SUPT16H: variants seen among roughly 807,000 people sequenced by gnomAD.
The protein encoded by SUPT16H is SPT16 homolog, facilitates chromatin remodeling subunit.
Under a neutral mutation model 136.2 loss-of-function variants are expected in SUPT16H, and 24 were observed. That is an observed-to-expected ratio of 0.18 (90% CI 0.13 to 0.25). SUPT16H has a LOEUF of 0.25. Among genes scored for constraint, SUPT16H ranks in the 10% least tolerant of loss-of-function variants. The probability of loss-of-function intolerance (pLI) is 1.00; values close to 1 mark genes in which losing one functional copy is unlikely to be tolerated. For synonymous variants in SUPT16H, 415 were observed against 428.2 expected, an observed-to-expected ratio of 0.97 and a Z score of 0.38; for missense variants, 623 against 1,270.2, an observed-to-expected ratio of 0.49 and a Z score of 7.74.
chr14:21,378,490 T>C (rs985277547), intron 1 of SUPT16H, among the ~76,000 whole-genome samples: 1 of 152,186 alleles, frequency 6.6e-6, no homozygotes, highest in Non-Finnish European at 1.5e-5. Flanking sequence ...AGGATGGATG[T>C]GTGATAAAGC....
chr14:21,383,603 C>G (rs1887093130), intron 1 of SUPT16H: 1 of 701,822 alleles, frequency 1.4e-6, no homozygotes, highest in Non-Finnish European at 2.6e-6. Context: ...GAAGAGACTG[C>G]GAGAGGTGCT....
At chr14:21,381,288 T>G (rs1305921446) in intron 1 of SUPT16H, among the ~76,000 whole-genome samples, 2 of 152,140 alleles carry the variant, frequency 1.3e-5, no homozygotes, top group Non-Finnish European at 2.9e-5. Flanking sequence ...AAATTATAAT[T>G]AAAAAATATT....
Position 21,363,314 on chromosome 14 carries a change from T to G in SUPT16H, c.1314A>C (p.Glu438Asp), listed in dbSNP as rs749082552. 6.2e-7 allele frequency: 1 copy of G among 1,609,126 alleles called. No individual in the cohort carries two copies. The highest frequency in any genetic ancestry group is 1.1e-5 in the South Asian group (1 of 90,590). Residue 438 changes from glutamate to aspartate, a missense_variant, in exon 12 of 26, where the codon GAA becomes GAC. Glu to Asp is a conservative substitution (Grantham distance 45). Transcript: ENST00000216297. The stretch of plus-strand genomic sequence containing the variant: ...CCTCATCTTTCTCCTCCTCCTCTTC[T>G]TCCTCATCTTCATTCTATGGAAAAA... The part of the protein sequence containing the change: ...VGIFLKNEDE[E>D]EEEEEKDEAE...
At chr14:21,365,517 G>A (rs1437426212) in intron 8 of SUPT16H, among the ~76,000 whole-genome samples, 2 of 152,134 alleles carry the variant, frequency 1.3e-5, no homozygotes, top group African/African-American at 4.8e-5. Context: ...GCAATTTTTA[G>A]TGGAACACTG....
chr14:21,358,119 T>C, intron 20 of SUPT16H, 117 bp from the exon 21 acceptor site: 1 of 961,942 alleles, frequency 1.0e-6, no homozygotes, highest in South Asian at 1.5e-5. Flanking sequence ...CACTGGAGAC[T>C]CATCCAGAGG....
chr14:21,369,179 T>C (rs773212073), intron 6 of SUPT16H, 25 bp downstream of exon 6: 1 of 1,590,620 alleles, frequency 6.3e-7, no homozygotes, highest in Non-Finnish European at 8.5e-7. Flanking sequence ...CAAAATGCTA[T>C]ATTATGAAGT....
Position 21,370,003 on chromosome 14 carries a change from C to G in SUPT16H, c.484-107G>C, listed in dbSNP as rs147902599. The G allele has an allele frequency of 8.7e-4, 1,103 of 1,265,060 alleles. 7 individuals are homozygous for G. The African/African-American group carries it at 0.015, about 17-fold the overall frequency. The allele number at this position is 1,265,060 out of a possible 1,614,324, so 78.4% of individuals were successfully genotyped here. On this transcript the variant is annotated intron_variant, in intron 4 of 25. Coordinates refer to ENST00000216297, the MANE Select transcript of SUPT16H (RefSeq NM_007192.4). Reference sequence around the variant, plus strand: ...AGTGATATTTCTGTTATTTAGCAAACTATCACTGGTTTGCAGAATATTCAA... The same window carrying G: ...AGTGATATTTCTGTTATTTAGCAAAGTATCACTGGTTTGCAGAATATTCAA...
intron 23 of SUPT16H, among the ~76,000 whole-genome samples, chr14:21,354,037 T>A (rs1182283869): frequency 6.6e-6 from 1 of 152,224 alleles, no homozygotes; most frequent in African/African-American, 2.4e-5. Flanking sequence ...TTATTACATT[T>A]CTGAAAAATT....
At chr14:21,369,993 A>T in intron 4 of SUPT16H, 97 bp from the exon 5 acceptor site, 1 of 1,409,354 alleles carries the variant, frequency 7.1e-7, no homozygotes, top group Non-Finnish European at 9.8e-7. Flanking sequence ...TATTTCTGTT[A>T]TTTAGCAAAC....
chr14:21,383,058 C>CA, intron 1 of SUPT16H: 1 of 152,462 alleles, frequency 6.6e-6, no homozygotes, highest in South Asian at 2.1e-4. Context: ...CTAGCCAACT[C>CA]AGACTGCATC....
chr14:21,383,774 C>A (rs1887104252), intron 1 of SUPT16H, 88 bp downstream of exon 1: 5 of 1,496,560 alleles, frequency 3.3e-6, no homozygotes, highest in Non-Finnish European at 4.7e-6. Flanking sequence ...GAATTCCTGA[C>A]CGAAAGAGAA....
intron 1 of SUPT16H, among the ~76,000 whole-genome samples, chr14:21,377,478 T>G (rs1330841583): frequency 1.3e-5 from 2 of 152,148 alleles, no homozygotes; most frequent in African/African-American, 4.8e-5. Flanking sequence ...ACAAAGCCAA[T>G]AGAGTTGACT....
Position 21,363,024 on chromosome 14 carries a change from A to G in SUPT16H, c.1511+10T>C. 6.2e-7 allele frequency: 1 copy of G among 1,614,042 alleles called. No homozygotes were observed. The highest frequency in any genetic ancestry group is 8.5e-7 in the Non-Finnish European group (1 of 1,180,002). ...CTCAGATGATCTCACTGCTCAGTGA[A>G]AACTCTTACTTCTGAATCTGCTGTT... On this transcript the variant is annotated intron_variant, in intron 13 of 25. Transcript: ENST00000216297.
intron 25 of SUPT16H, 98 bp from the exon 26 acceptor site, chr14:21,352,916 C>A: frequency 6.6e-7 from 1 of 1,516,014 alleles, no homozygotes; most frequent in Non-Finnish European, 9.0e-7. Flanking sequence ...ACTTTGGAAT[C>A]AGACCCAAGT....
At chr14:21,376,131 C>T (rs1312240418) in intron 1 of SUPT16H, among the ~76,000 whole-genome samples, 1 of 152,154 alleles carries the variant, frequency 6.6e-6, no homozygotes, top group Non-Finnish European at 1.5e-5. Context: ...ATTCATTTCT[C>T]ATTGAATTAT....
intron 1 of SUPT16H, 153 bp downstream of exon 1, chr14:21,383,709 G>A (rs749036223): frequency 9.7e-5 from 82 of 842,726 alleles, no homozygotes; most frequent in South Asian, 4.3e-4. Flanking sequence ...AGCGTTCGTG[G>A]CCGCCTCCGG....
chr14:21,371,820 C>T (rs911036192), intron 3 of SUPT16H, 54 bp downstream of exon 3: 48 of 1,598,692 alleles, frequency 3.0e-5, no homozygotes, highest in Non-Finnish European at 3.6e-5. Flanking sequence ...CATTTCTGTT[C>T]ATCCCTTTTG....
At chr14:21,371,043 A>G (rs1345958621) in intron 3 of SUPT16H, among the ~76,000 whole-genome samples, 1 of 151,360 alleles carries the variant, frequency 6.6e-6, no homozygotes, top group Non-Finnish European at 1.5e-5. Flanking sequence ...TTCCTGAATA[A>G]TTTTTGTATT....
intron 1 of SUPT16H, among the ~76,000 whole-genome samples, chr14:21,375,253 A>G (rs886118956): frequency 6.1e-5 from 3 of 49,172 alleles, no homozygotes; most frequent in Non-Finnish European, 2.5e-4. Flanking sequence ...ACCTCAAGTG[A>G]TCCGCCCCCA....
Sources: gnomAD v4.1 joint callset for allele counts (sites outside exome capture counted in the v4.1 genomes callset) on GRCh38, gnomAD v4.1.1 for gene constraint, MANE v1.5 for transcripts, NCBI Gene and HGNC (gene_info 2026-07-23, HGNC 2026-07-21) for gene names.